NEGR1: variants seen among roughly 807,000 people sequenced by gnomAD.
The protein encoded by NEGR1 is IgLON family member 4.
A neutral mutation model predicts 40.9 loss-of-function variants in NEGR1; 10 were observed. The ratio of observed to expected loss-of-function variants is 0.24; its 90% CI spans 0.15 to 0.42. The LOEUF (loss-of-function observed/expected upper bound fraction) is 0.42. Ranked by LOEUF, NEGR1 falls within the 10% of genes least tolerant of loss-of-function variation. The pLI is 1.00. For missense variants in NEGR1, 352 were observed against 438.9 expected (o/e 0.80, Z 1.77); for synonymous variants, 185 against 166.8 (o/e 1.11, Z -0.84).
intron 4 of NEGR1, among the ~76,000 whole-genome samples, chr1:71,670,999 T>C (rs1425377479): frequency 6.6e-6 from 1 of 152,162 alleles, no homozygotes. Context: ...TGAGTCTACC[T>C]CAAAGCACTT....
In NEGR1 at chr1:71,400,911, T is replaced by C. The variant is rs1646243060; in HGVS notation, c.*6535A>G. ...AGCCAGGTGTGGTGGCACGTGCCTA[T>C]AATCCCAGCTACTGGGGAGGCTGAT... On this transcript the variant is annotated 3_prime_UTR_variant, in exon 7 of 7. Transcript: ENST00000357731. The C allele has an allele frequency of 6.6e-6, 1 of 152,408 alleles. No homozygotes were observed. The highest frequency in any genetic ancestry group is 6.6e-5 in the Admixed American group (1 of 15,264). 9.4% of individuals were successfully genotyped at this position (152,408 alleles called of 1,614,324 possible). A position where few individuals can be genotyped will look rare whatever the true frequency, so the allele number is the denominator to read the frequency against.
intron 1 of NEGR1, among the ~76,000 whole-genome samples, chr1:72,248,737 C>T (rs1020892680): frequency 1.3e-5 from 2 of 151,232 alleles, no homozygotes; most frequent in Admixed American, 6.6e-5. Flanking sequence ...TGAGCACCAA[C>T]ACACCTGGCT....
intron 1 of NEGR1, among the ~76,000 whole-genome samples, chr1:72,010,920 A>G (rs1455487657): frequency 6.6e-6 from 1 of 152,134 alleles, no homozygotes; most frequent in Non-Finnish European, 1.5e-5. Context: ...TGTTATCTTC[A>G]ACCTGAGATC....
At chr1:71,785,243 G>A (rs748474712) in intron 2 of NEGR1, among the ~76,000 whole-genome samples, 1 of 152,148 alleles carries the variant, frequency 6.6e-6, no homozygotes, top group Non-Finnish European at 1.5e-5. Context: ...GTATATCACA[G>A]GGAATCTACA....
chr1:71,629,813 A>T (rs1650914279), intron 4 of NEGR1, among the ~76,000 whole-genome samples: 2 of 151,862 alleles, frequency 1.3e-5, no homozygotes, highest in Non-Finnish European at 2.9e-5. Context: ...CTTTTTAAAA[A>T]CTCAATAGAG....
At chr1:71,741,623 T>C (rs1047645464) in intron 3 of NEGR1, among the ~76,000 whole-genome samples, 2 of 152,166 alleles carry the variant, frequency 1.3e-5, no homozygotes, top group African/African-American at 4.8e-5. Flanking sequence ...TGTTATTTGG[T>C]GGTAAGGCCT....
chr1:71,988,177 C>T (rs986710210), intron 1 of NEGR1, among the ~76,000 whole-genome samples: 3 of 152,086 alleles, frequency 2.0e-5, no homozygotes, highest in Non-Finnish European at 4.4e-5. Flanking sequence ...CACTAAAGTA[C>T]CCTAAGGAAG....
At chr1:72,118,538 C>T (rs1020786204) in intron 1 of NEGR1, among the ~76,000 whole-genome samples, 2 of 151,700 alleles carry the variant, frequency 1.3e-5, no homozygotes, top group African/African-American at 4.8e-5. Context: ...GTGGTGTGAT[C>T]CTGGAAGACA....
chr1:72,051,834 A>G (rs1222215363), intron 1 of NEGR1, among the ~76,000 whole-genome samples: 1 of 151,506 alleles, frequency 6.6e-6, no homozygotes, highest in Non-Finnish European at 1.5e-5. Flanking sequence ...CAACTTTATC[A>G]GAGCCAGGGT....
intron 2 of NEGR1, among the ~76,000 whole-genome samples, chr1:71,926,159 T>C (rs1645770347): frequency 6.6e-6 from 1 of 152,152 alleles, no homozygotes; most frequent in Non-Finnish European, 1.5e-5. Flanking sequence ...GCAGCAAATC[T>C]TGCTGAAAGG....
intron 3 of NEGR1, among the ~76,000 whole-genome samples, chr1:71,719,614 G>C (rs534917812): frequency 3.2e-4 from 48 of 150,088 alleles, no homozygotes; most frequent in Non-Finnish European, 5.2e-4. Context: ...GACTAGACAG[G>C]AGCCAGTGTT....
chr1:72,155,119 G>T (rs1316769318), intron 1 of NEGR1, among the ~76,000 whole-genome samples: 1 of 151,874 alleles, frequency 6.6e-6, no homozygotes, highest in Non-Finnish European at 1.5e-5. Context: ...CGGTGTACCA[G>T]AAGTTCATAC....
intron 1 of NEGR1, among the ~76,000 whole-genome samples, chr1:72,107,114 GTAGGT>G (rs1649165841): frequency 6.6e-6 from 1 of 151,734 alleles, no homozygotes; most frequent in East Asian, 1.9e-4. Context: ...AATCTTAAAA[GTAGGT>G]TACAATGAAT....
intron 6 of NEGR1, among the ~76,000 whole-genome samples, chr1:71,563,494 A>G (rs12144367): frequency 0.19 from 29,392 of 151,902 alleles, 3,567 homozygotes; most frequent in East Asian, 0.35. Context: ...ATATGCTCCA[A>G]TCATACAGAG....
chr1:71,466,884 C>T (rs1327636801), intron 6 of NEGR1, among the ~76,000 whole-genome samples: 1 of 152,110 alleles, frequency 6.6e-6, no homozygotes, highest in African/African-American at 2.4e-5. Flanking sequence ...AAATCCAGCT[C>T]TGCAGAGTGG....
At chr1:72,027,805 G>C (rs1194035771) in intron 1 of NEGR1, among the ~76,000 whole-genome samples, 1 of 152,118 alleles carries the variant, frequency 6.6e-6, no homozygotes, top group African/African-American at 2.4e-5. Context: ...GTGATCCCTG[G>C]ACAGATAGCA....
chr1:71,950,034 T>C (rs1646054998), intron 1 of NEGR1, among the ~76,000 whole-genome samples: 1 of 152,078 alleles, frequency 6.6e-6, no homozygotes, highest in South Asian at 2.1e-4. Context: ...TTTATTAAAC[T>C]GAGGAAACCT....
intron 2 of NEGR1, among the ~76,000 whole-genome samples, chr1:71,818,945 A>G (rs1344031460): frequency 6.6e-6 from 1 of 152,112 alleles, no homozygotes; most frequent in Non-Finnish European, 1.5e-5. Context: ...TTATATTTCT[A>G]TTGTACAATA....
At chr1:72,007,104 T>G (rs1456152100) in intron 1 of NEGR1, among the ~76,000 whole-genome samples, 2 of 152,134 alleles carry the variant, frequency 1.3e-5, no homozygotes, top group African/African-American at 4.8e-5. Context: ...GGAGTACATA[T>G]TAACACTGCA....
Sources: gnomAD v4.1 joint callset for allele counts (sites outside exome capture counted in the v4.1 genomes callset) on GRCh38, gnomAD v4.1.1 for gene constraint, MANE v1.5 for transcripts, NCBI Gene and HGNC (gene_info 2026-07-23, HGNC 2026-07-21) for gene names.